Variants in ITGA9 observed in about 807,000 individuals in gnomAD.
The protein encoded by ITGA9 is integrin alpha-9.
In ITGA9, 56 loss-of-function variants were observed where a neutral mutation model predicts 127.8. The observed-to-expected ratio is 0.44, with a 90% CI of 0.35 to 0.55. The LOEUF is 0.55. Ranked by LOEUF, ITGA9 falls within the 20% of genes least tolerant of loss-of-function variation. ITGA9 has a pLI of 0.00. For missense variants in ITGA9, 1,196 were observed against 1,347.1 expected, an observed-to-expected ratio of 0.89 and a Z score of 1.76; for synonymous variants, 508 against 514.5, an observed-to-expected ratio of 0.99 and a Z score of 0.17.
chr3:37,807,561 C>T (rs111889675), intron 27 of ITGA9: 10,208 of 152,424 alleles, frequency 0.067, 642 homozygotes, highest in African/African-American at 0.16. Context: ...GTGAGCAGAG[C>T]GGTGGCATGA....
chr3:37,521,202 G>GA (rs1413648755), intron 11 of ITGA9, among the ~76,000 whole-genome samples: 1 of 152,042 alleles, frequency 6.6e-6, no homozygotes, highest in Non-Finnish European at 1.5e-5. Flanking sequence ...AGATTTAAAA[G>GA]AAAAAAAATT....
chr3:37,673,384 C>A (rs1233434413), intron 17 of ITGA9, among the ~76,000 whole-genome samples: 1 of 152,174 alleles, frequency 6.6e-6, no homozygotes, highest in Admixed American at 6.5e-5. Flanking sequence ...TGCAGATAAG[C>A]TTCTTGGGAA....
Position 37,819,069 on chromosome 3 carries a change from T to A in ITGA9, c.*80T>A. 1 of 1,122,678 alleles carries A rather than the reference T, an allele frequency of 8.9e-7. No individual in the cohort carries two copies. Among genetic ancestry groups the A allele is most frequent in the Non-Finnish European group, 1.3e-6 (1 of 743,056 alleles). 69.5% of individuals were successfully genotyped at this position (1,122,678 alleles called of 1,614,324 possible). A position where few individuals can be genotyped will look rare whatever the true frequency, so the allele number is the denominator to read the frequency against. On this transcript the variant is annotated 3_prime_UTR_variant, in exon 28 of 28. Coordinates refer to ENST00000264741, the MANE Select transcript of ITGA9 (RefSeq NM_002207.3). ...ATCTTCCATATTTGGAAGAAAAAAA[T>A]CTTCTCCAGATTTTTCGGAGGCCCC...
intron 15 of ITGA9, among the ~76,000 whole-genome samples, chr3:37,563,927 A>T (rs532763430): frequency 1.2e-4 from 19 of 152,386 alleles, no homozygotes; most frequent in African/African-American, 4.6e-4. Flanking sequence ...TTGACAACAT[A>T]AAGAATATTA....
At chr3:37,672,845 A>C (rs1700650124) in intron 17 of ITGA9, among the ~76,000 whole-genome samples, 1 of 152,050 alleles carries the variant, frequency 6.6e-6, no homozygotes, top group South Asian at 2.1e-4. Flanking sequence ...GATTTTCTCT[A>C]ATATATTTAG....
intron 15 of ITGA9, among the ~76,000 whole-genome samples, chr3:37,618,397 T>C (rs987861403): frequency 1.3e-5 from 2 of 152,228 alleles, no homozygotes; most frequent in African/African-American, 4.8e-5. Context: ...CCAGTTAGGC[T>C]ACTCGGGGGC....
rs1403566634 is a variant in ITGA9, at chr3:37,820,110, C to T, written c.*1121C>T. The stretch of plus-strand genomic sequence containing the variant: ...GAAACAAGGATTTGTGTGCAAGTAA[C>T]TTATTAAGGAAGTATTCCCAGGGGA... On this transcript the variant is annotated 3_prime_UTR_variant, in exon 28 of 28. Coordinates refer to ENST00000264741, the MANE Select transcript of ITGA9 (RefSeq NM_002207.3). 6.6e-6 allele frequency: 1 copy of T among 152,132 alleles called. No homozygotes were observed. Among genetic ancestry groups the T allele is most frequent in the Non-Finnish European group, 1.5e-5 (1 of 68,030 alleles). 9.4% of individuals were successfully genotyped at this position (152,132 alleles called of 1,614,324 possible).
chr3:37,535,002 G>C (rs749663465), intron 14 of ITGA9, among the ~76,000 whole-genome samples: 2 of 152,218 alleles, frequency 1.3e-5, no homozygotes, highest in African/African-American at 2.4e-5. Context: ...AGCTCATCAC[G>C]TAGTTGGACT....
intron 8 of ITGA9, among the ~76,000 whole-genome samples, chr3:37,512,491 C>T (rs1385809919): frequency 2.0e-5 from 3 of 151,722 alleles, no homozygotes; most frequent in South Asian, 2.1e-4. Flanking sequence ...GGAGTACAGG[C>T]GTGAGTCACC....
intron 15 of ITGA9, among the ~76,000 whole-genome samples, chr3:37,622,326 T>C (rs538030339): frequency 4.5e-4 from 69 of 152,076 alleles, no homozygotes; most frequent in African/African-American, 1.4e-3. Flanking sequence ...TCTGACCTCA[T>C]GATCCACCTG....
chr3:37,661,333 G>A (rs1700531159), intron 17 of ITGA9, among the ~76,000 whole-genome samples: 1 of 152,278 alleles, frequency 6.6e-6, no homozygotes, highest in Non-Finnish European at 1.5e-5. Flanking sequence ...CTTAGGTTGG[G>A]TTATTTCTCA....
chr3:37,607,828 T>C (rs975027925), intron 15 of ITGA9, among the ~76,000 whole-genome samples: 6 of 152,168 alleles, frequency 3.9e-5, no homozygotes, highest in African/African-American at 1.4e-4. Context: ...CAGAGTGACA[T>C]CAGGGGGCGG....
chr3:37,703,705 C>T (rs73827057), intron 18 of ITGA9, among the ~76,000 whole-genome samples: 10,466 of 152,260 alleles, frequency 0.069, 1,075 homozygotes, highest in African/African-American at 0.23. Context: ...GACATACAAC[C>T]AACATAGTTG....
At chr3:37,645,662 C>G (rs1700370165) in intron 16 of ITGA9, among the ~76,000 whole-genome samples, 2 of 152,190 alleles carry the variant, frequency 1.3e-5, no homozygotes, top group South Asian at 4.2e-4. Flanking sequence ...TTTTTTTAGG[C>G]CTCAGCATGG....
chr3:37,662,470 T>C (rs1700547701), intron 17 of ITGA9, among the ~76,000 whole-genome samples: 1 of 152,016 alleles, frequency 6.6e-6, no homozygotes, highest in African/African-American at 2.4e-5. Flanking sequence ...ATTGAGATGG[T>C]ATAGGTCATT....
chr3:37,559,914 T>C (rs2125599121), intron 15 of ITGA9, among the ~76,000 whole-genome samples: 1 of 152,354 alleles, frequency 6.6e-6, no homozygotes, highest in South Asian at 2.1e-4. Context: ...CACTGTCTGA[T>C]AGAAATATAA....
Position 37,490,047 on chromosome 3 carries a change from A to G in ITGA9, c.545-4454A>G, listed in dbSNP as rs1383225218. 7.5e-5 allele frequency among the ~76,000 whole-genome samples: 10 copies of G among 133,144 alleles called. No individual in the cohort carries two copies. The Admixed American group carries it at 7.8e-4, about 10-fold the overall frequency. The allele number at this position is 133,144 out of a possible 152,430, so 87.3% of individuals were successfully genotyped here. A position where few individuals can be genotyped will look rare whatever the true frequency, so the allele number is the denominator to read the frequency against. On this transcript the variant is annotated intron_variant, in intron 4 of 27. Coordinates refer to ENST00000264741, the MANE Select transcript of ITGA9 (RefSeq NM_002207.3). ...CAACTGGCTGTTTTAAAGAGAGCAG[A>G]CTACGATCCTGAGTGGCGGGGTGAG...
At chr3:37,458,898 C>T (rs1240760237) in intron 1 of ITGA9, among the ~76,000 whole-genome samples, 3 of 152,206 alleles carry the variant, frequency 2.0e-5, no homozygotes, top group African/African-American at 4.8e-5. Context: ...CTCTGCTTTA[C>T]GCTGAGCCAC....
Position 37,777,291 on chromosome 3 carries a change from T to C in ITGA9, c.2542-101T>C, listed in dbSNP as rs185705863. 7.2e-4 allele frequency: 951 copies of C among 1,321,618 alleles called. 23 individuals are homozygous for C. The South Asian group carries it at 9.5e-3, about 13-fold the overall frequency. The allele number at this position is 1,321,618 out of a possible 1,614,324, so 81.9% of individuals were successfully genotyped here. A position where few individuals can be genotyped will look rare whatever the true frequency, so the allele number is the denominator to read the frequency against. On this transcript the variant is annotated intron_variant, in intron 23 of 27. Coordinates refer to ENST00000264741, the MANE Select transcript of ITGA9 (RefSeq NM_002207.3). ...CTTCAAAATGGACAAGGAGGAAAGG[T>C]GAATTGGGGTTCTACCACTCCTGCC...
Sources: allele counts gnomAD v4.1 joint callset (sites outside exome capture counted in the v4.1 genomes callset), GRCh38; gene constraint gnomAD v4.1.1; transcripts MANE v1.5; gene names NCBI Gene and HGNC (gene_info 2026-07-23, HGNC 2026-07-21).